Variants in SEZ6L2 observed in about 807,000 individuals in gnomAD.
SEZ6L2 encodes seizure related 6 homolog like 2.
SEZ6L2 carries 44 observed loss-of-function variants against 97.0 expected under a neutral mutation model. The ratio of observed to expected loss-of-function variants is 0.45; its 90% CI spans 0.36 to 0.58. The LOEUF is 0.58. Among genes scored for constraint, SEZ6L2 ranks in the 20% least tolerant of loss-of-function variants. The probability of loss-of-function intolerance (pLI) is 0.00; values close to 1 mark genes in which losing one functional copy is unlikely to be tolerated. For synonymous variants in SEZ6L2, 543 were observed against 546.1 expected, an observed-to-expected ratio of 0.99 and a Z score of 0.08; for missense variants, 1,086 against 1,233.3, an observed-to-expected ratio of 0.88 and a Z score of 1.79.
chr16:29,878,278 C>G lies in SEZ6L2; in HGVS notation c.1712+9G>C. On this transcript the variant is annotated intron_variant, in intron 10 of 17. Transcript: ENST00000617533. Reference sequence around the variant, plus strand: ...CACCCGTCGCACCCTCTGCAGGACCCAAACATACATCTCAACTTGGAGCAA... The same window carrying G: ...CACCCGTCGCACCCTCTGCAGGACCGAAACATACATCTCAACTTGGAGCAA... 6.3e-7 allele frequency: 1 copy of G among 1,591,322 alleles called. No individual in the cohort carries two copies. Among genetic ancestry groups the G allele is most frequent in the Non-Finnish European group, 8.6e-7 (1 of 1,166,802 alleles).
Position 29,888,686 on chromosome 16 carries a change from T to G in SEZ6L2, c.893A>C (p.His298Pro). The G allele has an allele frequency of 6.2e-7, 1 of 1,613,640 alleles. No individual in the cohort carries two copies. The highest frequency in any genetic ancestry group is 8.5e-7 in the Non-Finnish European group (1 of 1,179,806). Residue 298 changes from histidine (H) to proline (P), a missense_variant, in exon 6 of 18, where the codon CAT (histidine) becomes CCT (proline). This residue lies in a region of SEZ6L2 where 776 missense variants were observed against 794.7 expected (regional missense o/e 0.98). Coordinates refer to ENST00000617533, the MANE Select transcript of SEZ6L2 (RefSeq NM_001243332.2). ...LSCGFPPRPA[H>P]GDVSVTDLHP... is the part of the protein sequence containing the mutation. Reference sequence around the variant, plus strand: ...CAGGTCCGTCACACTCACGTCCCCATGGGCCGGCCGGGGAGGGAAGCCACA... The same window carrying G: ...CAGGTCCGTCACACTCACGTCCCCAGGGGCCGGCCGGGGAGGGAAGCCACA...
intron 8 of SEZ6L2, among the ~76,000 whole-genome samples, chr16:29,880,438 G>T (rs2068007438): frequency 6.6e-6 from 1 of 151,762 alleles, no homozygotes; most frequent in African/African-American, 2.4e-5. Flanking sequence ...CGATTCTCCT[G>T]CCTCCTGAGT....
In SEZ6L2 at chr16:29,879,962, A is replaced by G; in HGVS notation, c.1475T>C (p.Leu492Pro). ...RPGALATFSCLPGYALEPPGP... is the reference protein window; with the variant it reads ...RPGALATFSCPPGYALEPPGP... ...AGGGGGCTCCAGGGCATATCCTGGGAGGCACGAGAAGGTTGCCAGTGCCCC... is the reference window on the plus strand; with the variant it reads ...AGGGGGCTCCAGGGCATATCCTGGGGGGCACGAGAAGGTTGCCAGTGCCCC... The change falls in exon 9 of 18, where the codon CTC (leucine) becomes CCC (proline). Residue 492 changes from leucine to proline, a missense_variant. This residue lies in a region of SEZ6L2 where 776 missense variants were observed against 794.7 expected (regional missense o/e 0.98). Coordinates refer to ENST00000617533, the MANE Select transcript of SEZ6L2 (RefSeq NM_001243332.2). The G allele has an allele frequency of 1.2e-6, 2 of 1,614,116 alleles. No homozygotes were observed. The highest frequency in any genetic ancestry group is 1.7e-6 in the Non-Finnish European group (2 of 1,179,996).
intron 5 of SEZ6L2, among the ~76,000 whole-genome samples, chr16:29,888,928 T>TC (rs1303230819): frequency 6.6e-6 from 1 of 151,412 alleles, no homozygotes; most frequent in Non-Finnish European, 1.5e-5. Flanking sequence ...ACCCCTTATC[T>TC]CCCCCACTCA....
chr16:29,873,317 T>C lies in SEZ6L2; in HGVS notation c.2411A>G (p.Glu804Gly). ...SLRFFCYEGF[E>G]LIGEVTITCV... ...GGTGATGGTGACCTCGCCGATAAGC[T>C]CAAAGCCCTCATAGCAGAAGAAGCG... is the stretch of plus-strand genomic sequence containing the variant. Residue 804 changes from glutamate to glycine, a missense_variant, in exon 14 of 18, where the codon GAG becomes GGG. Glu to Gly is a moderately conservative substitution (Grantham distance 98). This residue lies in a region of SEZ6L2 where 310 missense variants were observed against 438.6 expected (regional missense o/e 0.71). Coordinates refer to ENST00000617533, the MANE Select transcript of SEZ6L2 (RefSeq NM_001243332.2). The surrounding 1 kb of genome is among the most constrained non-coding windows in gnomAD (Gnocchi z 4.3). The C allele has an allele frequency of 6.2e-7, 1 of 1,614,088 alleles. No individual in the cohort carries two copies. Among genetic ancestry groups the C allele is most frequent in the South Asian group, 1.1e-5 (1 of 91,080 alleles).
At position 29,899,264 on chromosome 16, in the gene SEZ6L2, T is replaced by C; in HGVS notation, c.-245A>G. 2.2e-6 allele frequency: 1 copy of C among 459,546 alleles called. No individual in the cohort carries two copies. The highest frequency in any genetic ancestry group is 3.8e-6 in the Non-Finnish European group (1 of 261,260). 28.5% of individuals were successfully genotyped at this position (459,546 alleles called of 1,614,324 possible). A position where few individuals can be genotyped will look rare whatever the true frequency, so the allele number is the denominator to read the frequency against. The stretch of plus-strand genomic sequence containing the variant: ...CTGTCCTCTTCTCGCGGCTCTGTGG[T>C]GGAGGGGGCGCGGCTCCGGCTGCAG... On this transcript the variant is annotated 5_prime_UTR_variant, in exon 1 of 18. Transcript: ENST00000617533.
chr16:29,883,067 C>A (rs896403459), intron 8 of SEZ6L2, among the ~76,000 whole-genome samples: 1 of 152,204 alleles, frequency 6.6e-6, no homozygotes, highest in Non-Finnish European at 1.5e-5. Flanking sequence ...TGTTACTTAA[C>A]CTGCAAGGTA....
In SEZ6L2 at chr16:29,877,442, G is replaced by C. The variant is rs763621924; in HGVS notation, c.1738C>G (p.Leu580Val). The C allele has an allele frequency of 1.0e-5, 16 of 1,604,334 alleles. No homozygotes were observed. The highest frequency in any genetic ancestry group is 1.4e-5 in the Non-Finnish European group (16 of 1,175,198). The change falls in exon 11 of 18, where the codon CTG becomes GTG. Residue 580 changes from leucine to valine, a missense_variant. Around this residue, in one of 2 missense-constraint regions of SEZ6L2, gnomAD observed 776 missense variants for 794.7 expected, o/e 0.98. Transcript: ENST00000617533. ...EILNVREGDM[L>V]TLFDGDGPSA... is the part of the protein sequence containing the mutation. The stretch of plus-strand genomic sequence containing the variant: ...GGACCGTCCCCGTCGAACAGCGTCA[G>C]CATGTCCCCTTCCCGCACATTCAAT...
intron 5 of SEZ6L2, among the ~76,000 whole-genome samples, chr16:29,890,119 G>A (rs1486863609): frequency 6.6e-6 from 1 of 152,120 alleles, no homozygotes; most frequent in African/African-American, 2.4e-5. Context: ...ATGTTGGCCA[G>A]GGTGGTCTCG....
intron 17 of SEZ6L2, 52 bp from the exon 18 acceptor site, chr16:29,871,780 G>A (rs1407929941): frequency 1.3e-6 from 2 of 1,565,082 alleles, no homozygotes; most frequent in Non-Finnish European, 1.7e-6. Flanking sequence ...GGGTGGAAGA[G>A]GCAGCCGAAT....
At chr16:29,887,579 TG>T in intron 7 of SEZ6L2, 69 bp downstream of exon 7, 1 of 1,461,202 alleles carries the variant, frequency 6.8e-7, no homozygotes. Context: ...CCCAAAGTAC[TG>T]GGATTACAGG....
chr16:29,888,437 A>T, intron 6 of SEZ6L2, 103 bp downstream of exon 6: 2 of 1,270,380 alleles, frequency 1.6e-6, no homozygotes, highest in Non-Finnish European at 2.2e-6. Flanking sequence ...ACCCCTTCAG[A>T]ATGGGTTTTC....
chr16:29,881,165 A>G (rs2068021550), intron 8 of SEZ6L2, among the ~76,000 whole-genome samples: 1 of 152,042 alleles, frequency 6.6e-6, no homozygotes. Flanking sequence ...TCACATATTT[A>G]TATTGCCTCC....
Position 29,873,110 on chromosome 16 carries a change from AC to A in SEZ6L2, c.2488+129del. ...GGCTTCTGGACACACCCGTGAGGAC[AC>A]GAGGCCACAGGAGGAGAACCGGGAG... On this transcript the variant is annotated intron_variant, in intron 14 of 17. Coordinates refer to ENST00000617533, the MANE Select transcript of SEZ6L2 (RefSeq NM_001243332.2). This position sits in a 1 kb window ranked among gnomAD's most constrained non-coding sequence, Gnocchi z 4.3. The A allele has an allele frequency of 9.6e-7, 1 of 1,045,040 alleles. No homozygotes were observed. Among genetic ancestry groups the A allele is most frequent in the South Asian group, 1.5e-5 (1 of 64,580 alleles). The allele number at this position is 1,045,040 out of a possible 1,614,324, so 64.7% of individuals were successfully genotyped here. A position where few individuals can be genotyped will look rare whatever the true frequency, so the allele number is the denominator to read the frequency against.
At chr16:29,887,940 G>A (rs1308895018) in intron 6 of SEZ6L2, 123 bp from the exon 7 acceptor site, 6 of 1,078,628 alleles carry the variant, frequency 5.6e-6, no homozygotes, top group Admixed American at 2.4e-5. Flanking sequence ...CCCAGGGCTG[G>A]CCTCTGTCCC....
intron 8 of SEZ6L2, among the ~76,000 whole-genome samples, chr16:29,883,753 G>A (rs1486828663): frequency 6.6e-6 from 1 of 152,056 alleles, no homozygotes; most frequent in Non-Finnish European, 1.5e-5. Context: ...GCAACATAGT[G>A]AGATGCTGTC....
rs547923024 is a variant in SEZ6L2, at chr16:29,872,851, C to A, written c.2489-108G>T. The A allele has an allele frequency of 3.1e-5, 27 of 870,322 alleles. No homozygotes were observed. The Middle Eastern group carries it at 2.2e-3, about 70-fold the overall frequency. 53.9% of individuals were successfully genotyped at this position (870,322 alleles called of 1,614,324 possible). The stretch of plus-strand genomic sequence containing the variant: ...GGGCTGGACAGCCTGGTTCTCTCTG[C>A]CCTCTGCTCAACCTCAACTTTCTCC... On this transcript the variant is annotated intron_variant, in intron 14 of 17. Coordinates refer to ENST00000617533, the MANE Select transcript of SEZ6L2 (RefSeq NM_001243332.2).
rs1331478640 is a variant in SEZ6L2, at chr16:29,880,024, A to T, written c.1413T>A (p.His471Gln). ...EDRCFAPFLA[H>Q]GNVTTTDPEY... ...CAGGGTCCGTGGTAGTGACATTTCC[A>T]TGTGCCAGGAAGGGGGCGAAGCAGC... Residue 471 changes from histidine to glutamine, a missense_variant, in exon 9 of 18, where the codon CAT becomes CAA. His to Gln is a conservative substitution (Grantham distance 24). Coordinates refer to ENST00000617533, the MANE Select transcript of SEZ6L2 (RefSeq NM_001243332.2). 1 of 1,614,180 alleles carries T rather than the reference A, an allele frequency of 6.2e-7. No individual in the cohort carries two copies. Among genetic ancestry groups the T allele is most frequent in the East Asian group, 2.2e-5 (1 of 44,880 alleles).
chr16:29,873,603 A>G lies in SEZ6L2; in HGVS notation c.2231T>C (p.Met744Thr). ...LPGYSLEGAA[M>T]LTCYSRDTGT... Reference sequence around the variant, plus strand: ...TGTGTCCCGGCTGTAGCAGGTGAGCATGGCTGCCCCCTCGAGGCTGTACCC... The same window carrying G: ...TGTGTCCCGGCTGTAGCAGGTGAGCGTGGCTGCCCCCTCGAGGCTGTACCC... Residue 744 changes from methionine (M) to threonine (T), a missense_variant, in exon 13 of 18, where the codon ATG becomes ACG. Around this residue, in one of 2 missense-constraint regions of SEZ6L2, gnomAD observed 310 missense variants for 438.6 expected, o/e 0.71. Coordinates refer to ENST00000617533, the MANE Select transcript of SEZ6L2 (RefSeq NM_001243332.2). The surrounding 1 kb of genome is among the most constrained non-coding windows in gnomAD (Gnocchi z 4.3). The G allele has an allele frequency of 6.2e-7, 1 of 1,614,128 alleles. No homozygotes were observed. Among genetic ancestry groups the G allele is most frequent in the Non-Finnish European group, 8.5e-7 (1 of 1,180,002 alleles).
Sources: allele counts gnomAD v4.1 joint callset (sites outside exome capture counted in the v4.1 genomes callset), GRCh38; gene constraint gnomAD v4.1.1; regional missense constraint gnomAD v4.1.1; non-coding constraint Gnocchi (gnomAD v3.1); transcripts MANE v1.5; gene names NCBI Gene and HGNC (gene_info 2026-07-23, HGNC 2026-07-21).